The following ARHGEF10L variants were observed in gnomAD, a reference collection of about 807,000 sequenced individuals.
The protein encoded by ARHGEF10L is Rho guanine nucleotide exchange factor 10 like, also known as rho guanine nucleotide exchange factor 10-like protein.
Under a neutral mutation model 141.2 loss-of-function variants are expected in ARHGEF10L, and 69 were observed. That is an observed-to-expected ratio of 0.49 (90% CI 0.40 to 0.60). ARHGEF10L has a LOEUF of 0.60. Among genes scored for constraint, ARHGEF10L ranks in the 20% least tolerant of loss-of-function variants. ARHGEF10L has a pLI of 0.00. For synonymous variants in ARHGEF10L, 711 were observed against 718.5 expected, an observed-to-expected ratio of 0.99 and a Z score of 0.17; for missense variants, 1,482 against 1,734.3, an observed-to-expected ratio of 0.85 and a Z score of 2.58.
intron 1 of ARHGEF10L, among the ~76,000 whole-genome samples, chr1:17,542,370 G>C (rs760116751): frequency 1.3e-4 from 20 of 152,250 alleles, no homozygotes; most frequent in Admixed American, 2.6e-4. Flanking sequence ...GATCACTTGA[G>C]CCTGGAAGTT....
At chr1:17,605,345 A>G (rs2100996085) in intron 6 of ARHGEF10L, among the ~76,000 whole-genome samples, 1 of 152,314 alleles carries the variant, frequency 6.6e-6, no homozygotes, top group East Asian at 1.9e-4. Context: ...TCTGGGCCTC[A>G]GTTGACCCAT....
Position 17,656,166 on chromosome 1 carries a change from T to C in ARHGEF10L, c.2705+64T>C, listed in dbSNP as rs2062235050. On this transcript the variant is annotated intron_variant, in intron 24 of 28. Coordinates refer to ENST00000361221, the MANE Select transcript of ARHGEF10L (RefSeq NM_018125.4). This position sits in a 1 kb window ranked among gnomAD's most constrained non-coding sequence, Gnocchi z 4.9. ...AGGGCTGGGCAGTGGGTGGGGGCTG[T>C]CCCTGTAGCCTTCCGGATCTGCCTG... The C allele has an allele frequency of 4.0e-6, 6 of 1,497,396 alleles. 1 individual carries two copies. In the South Asian group the frequency reaches 4.9e-5, roughly 12 times the overall value. 92.8% of individuals were successfully genotyped at this position (1,497,396 alleles called of 1,614,324 possible).
At chr1:17,540,806 A>G (rs1283050564) in intron 1 of ARHGEF10L, among the ~76,000 whole-genome samples, 1 of 152,184 alleles carries the variant, frequency 6.6e-6, no homozygotes, top group African/African-American at 2.4e-5. Flanking sequence ...GCCTCCCTTA[A>G]GGATGCTACT....
At chr1:17,584,454 C>T (rs892128455) in intron 2 of ARHGEF10L, among the ~76,000 whole-genome samples, 2 of 152,082 alleles carry the variant, frequency 1.3e-5, no homozygotes, top group Admixed American at 6.6e-5. Flanking sequence ...GAGGATGCAA[C>T]AGCAAACAAA....
intron 4 of ARHGEF10L, among the ~76,000 whole-genome samples, chr1:17,599,160 A>G (rs2080394550): frequency 6.6e-6 from 1 of 151,988 alleles, no homozygotes. Context: ...ACGTGGCGAA[A>G]CCCCATCTCT....
chr1:17,648,753 A>G, intron 22 of ARHGEF10L, 78 bp downstream of exon 22: 1 of 1,561,670 alleles, frequency 6.4e-7, no homozygotes, highest in Admixed American at 1.7e-5. Flanking sequence ...CAGAGTTTCC[A>G]GGGAGCGCCC....
At chr1:17,628,702 A>T (rs2060513588) in intron 15 of ARHGEF10L, among the ~76,000 whole-genome samples, 1 of 152,216 alleles carries the variant, frequency 6.6e-6, no homozygotes, top group East Asian at 1.9e-4. Context: ...TAGAAGCAGA[A>T]CTAAGGCCTA....
At chr1:17,593,869 G>A (rs553680565) in intron 4 of ARHGEF10L, among the ~76,000 whole-genome samples, 17 of 151,650 alleles carry the variant, frequency 1.1e-4, no homozygotes, top group Non-Finnish European at 2.4e-4. Flanking sequence ...GGGAGAGAGC[G>A]TCACTTGTCT....
At chr1:17,650,457 G>T (rs1200378403) in intron 22 of ARHGEF10L, among the ~76,000 whole-genome samples, 1 of 151,932 alleles carries the variant, frequency 6.6e-6, no homozygotes, top group African/African-American at 2.4e-5. Flanking sequence ...TGTCGGCTGG[G>T]TGAGGTAGCT....
the ARHGEF10L span, among the ~76,000 whole-genome samples, chr1:17,520,755 A>AG: frequency 2.0e-3 from 310 of 152,298 alleles, 1 homozygote; most frequent in African/African-American, 7.1e-3. Flanking sequence ...GGGCGTGTGT[A>AG]GGGGGGACTT....
chr1:17,524,687 C>T, the ARHGEF10L span, among the ~76,000 whole-genome samples: 63 of 152,340 alleles, frequency 4.1e-4, no homozygotes, highest in African/African-American at 1.5e-3. Flanking sequence ...CTCAAGGTCA[C>T]AGGACCAGGA....
chr1:17,540,319 A>G (rs2076675251), intron 1 of ARHGEF10L, among the ~76,000 whole-genome samples: 1 of 144,728 alleles, frequency 6.9e-6, no homozygotes, highest in African/African-American at 2.7e-5. Context: ...TCCTGCGCTG[A>G]CCTTGGGGGT....
intron 1 of ARHGEF10L, among the ~76,000 whole-genome samples, chr1:17,560,431 G>A (rs1445034822): frequency 6.6e-6 from 1 of 152,188 alleles, no homozygotes; most frequent in Non-Finnish European, 1.5e-5. Context: ...CACTTTGCCT[G>A]GGCCTCAAAT....
intron 1 of ARHGEF10L, among the ~76,000 whole-genome samples, chr1:17,554,708 G>A (rs1297473513): frequency 1.3e-5 from 2 of 150,482 alleles, no homozygotes; most frequent in African/African-American, 4.9e-5. Flanking sequence ...ACCCACCTCA[G>A]CGTACCGAGT....
intron 16 of ARHGEF10L, among the ~76,000 whole-genome samples, chr1:17,633,174 TG>T (rs370654424): frequency 5.3e-5 from 8 of 152,342 alleles, no homozygotes; most frequent in African/African-American, 1.7e-4. Context: ...CACTGGGGCT[TG>T]GGCCCTGCCA....
rs1243662019 is a variant in ARHGEF10L, at chr1:17,673,272, C to A, written c.3009+8677C>A. 6.6e-6 allele frequency among the ~76,000 whole-genome samples: 1 copy of A among 152,084 alleles called. No homozygotes were observed. Among genetic ancestry groups the A allele is most frequent in the Non-Finnish European group, 1.5e-5 (1 of 68,026 alleles). On this transcript the variant is annotated intron_variant, in intron 26 of 28. Coordinates refer to ENST00000361221, the MANE Select transcript of ARHGEF10L (RefSeq NM_018125.4). This position sits in a 1 kb window ranked among gnomAD's most constrained non-coding sequence, Gnocchi z 4.1. Reference sequence around the variant, plus strand: ...CAGTCTTAGCTGGTAGCAGCCAGCCCCCGATCCTCGCCTCCCCTCCACTCT... The same window carrying A: ...CAGTCTTAGCTGGTAGCAGCCAGCCACCGATCCTCGCCTCCCCTCCACTCT...
At chr1:17,546,213 C>A (rs2076909590) in intron 1 of ARHGEF10L, among the ~76,000 whole-genome samples, 1 of 152,070 alleles carries the variant, frequency 6.6e-6, no homozygotes, top group Admixed American at 6.5e-5. Context: ...TCTTCCAGCC[C>A]CTGCATCTGT....
the ARHGEF10L span, among the ~76,000 whole-genome samples, chr1:17,516,872 C>T: frequency 2.0e-3 from 307 of 152,336 alleles, 3 homozygotes; most frequent in African/African-American, 7.0e-3. Context: ...ACACTCCAAG[C>T]CTCCATATAA....
At chr1:17,598,077 T>C (rs945313087) in intron 4 of ARHGEF10L, among the ~76,000 whole-genome samples, 9 of 152,112 alleles carry the variant, frequency 5.9e-5, no homozygotes, top group African/African-American at 2.2e-4. Context: ...ATGCCATAGA[T>C]TGGGTGGCTT....
Sources: gnomAD v4.1 joint callset for allele counts (sites outside exome capture counted in the v4.1 genomes callset) on GRCh38, gnomAD v4.1.1 for gene constraint, Gnocchi (gnomAD v3.1) non-coding constraint, MANE v1.5 for transcripts, NCBI Gene and HGNC (gene_info 2026-07-23, HGNC 2026-07-21) for gene names.